The following SLC45A2 variants were observed in gnomAD, a reference collection of about 807,000 sequenced individuals.
SLC45A2 encodes solute carrier family 45 member 2.
In SLC45A2, 36 loss-of-function variants were observed where a neutral mutation model predicts 45.5. The ratio of observed to expected loss-of-function variants is 0.79; its 90% confidence interval spans 0.61 to 1.04. The LOEUF (loss-of-function observed/expected upper bound fraction) is 1.04. SLC45A2 is among the 50% of genes least tolerant of loss of function. The pLI is 0.00. For missense variants in SLC45A2, 719 were observed against 671.0 expected (o/e 1.07, Z -0.79); for synonymous variants, 306 against 269.3 (o/e 1.14, Z -1.33).
chr5:33,981,454 A>T (rs970927774), intron 2 of SLC45A2, among the ~76,000 whole-genome samples: 1 of 152,206 alleles, frequency 6.6e-6, no homozygotes, highest in African/African-American at 2.4e-5. Context: ...AGACAATCAA[A>T]TAAGGTGGGC....
intron 2 of SLC45A2, among the ~76,000 whole-genome samples, chr5:33,975,399 T>C (rs940514738): frequency 6.6e-6 from 1 of 152,202 alleles, no homozygotes; most frequent in African/African-American, 2.4e-5. Flanking sequence ...AGTTTACGAA[T>C]CTTGCAGGAG....
chr5:33,951,440 T>C (rs1752091734), intron 5 of SLC45A2, 114 bp downstream of exon 5: 1 of 1,600,588 alleles, frequency 6.2e-7, no homozygotes, highest in African/African-American at 1.3e-5. Flanking sequence ...CGTCCATAGA[T>C]TTATTAAGAA....
chr5:33,953,257 G>A lies in SLC45A2; in HGVS notation c.1032+1104C>T, dbSNP rs1042692669. Among the ~76,000 whole-genome samples the A allele has an allele frequency of 2.6e-4, 31 of 118,826 alleles. No homozygotes were observed. The East Asian group carries it at 4.7e-3, about 18-fold the overall frequency. The allele number at this position is 118,826 out of a possible 152,430, so 78.0% of individuals were successfully genotyped here. A position where few individuals can be genotyped will look rare whatever the true frequency, so the allele number is the denominator to read the frequency against. ...ATGGTATTTCTAGTTCTAGATCCCT[G>A]AGGAATCACCACACTGACTTCCACA... is the stretch of plus-strand genomic sequence containing the variant. On this transcript the variant is annotated intron_variant, in intron 4 of 6. Transcript: ENST00000296589.
chr5:33,951,696 G>A lies in SLC45A2; in HGVS notation c.1033-19C>T. 1 of 1,614,130 alleles carries A rather than the reference G, an allele frequency of 6.2e-7. No homozygotes were observed. Among genetic ancestry groups the A allele is most frequent in the Non-Finnish European group, 8.5e-7 (1 of 1,180,004 alleles). On this transcript the variant is annotated intron_variant, in intron 4 of 6. Coordinates refer to ENST00000296589, the MANE Select transcript of SLC45A2 (RefSeq NM_016180.5). ...ACACAATCTGAAAGAGAGATTGGAGGCTGTTGAGGTACAAATGCAATGTAG... is the reference window on the plus strand; with the variant it reads ...ACACAATCTGAAAGAGAGATTGGAGACTGTTGAGGTACAAATGCAATGTAG...
chr5:33,951,322 A>G (rs991645076), intron 5 of SLC45A2: 17 of 1,168,256 alleles, frequency 1.5e-5, no homozygotes, highest in Non-Finnish European at 1.7e-5. Context: ...TTGATCAGGA[A>G]CCCACTGATT....
rs749461166 is a variant in SLC45A2 at position 33,982,209 on chromosome 5, GGA to G, written c.562+25_562+26del. ...GTGCCTCATTGTCTGGGGAGCTGAA[GGA>G]GAGACTTTCTGGAATATTCCCTACC... On this transcript the variant is annotated intron_variant, in intron 2 of 6. Coordinates refer to ENST00000296589, the MANE Select transcript of SLC45A2 (RefSeq NM_016180.5). 1.9e-6 allele frequency: 3 copies of G among 1,613,432 alleles called. No individual in the cohort carries two copies. In the African/African-American group the frequency reaches 4.0e-5, roughly 22 times the overall value.
At chr5:33,955,642 T>TACACACACACACACAA (rs1561359853) in intron 3 of SLC45A2, among the ~76,000 whole-genome samples, 1 of 151,336 alleles carries the variant, frequency 6.6e-6, no homozygotes, top group Non-Finnish European at 1.5e-5. Flanking sequence ...TATATGTTTA[T>TACACACACACACACAA]ACACACACAC....
intron 2 of SLC45A2, chr5:33,970,970 A>G: frequency 2.1e-6 from 1 of 483,516 alleles, no homozygotes; most frequent in Non-Finnish European, 4.2e-6. Context: ...CAAAGAATTT[A>G]CCAAACCGTA....
At position 33,979,268 on chromosome 5, in the gene SLC45A2, T is replaced by C. The variant is rs896966914; in HGVS notation, c.562+2968A>G. ...AAATCAAAGTGGGGCTCCCAGGTCA[T>C]AGGAAGATTCAAAGATTTCCTGATT... is the stretch of plus-strand genomic sequence containing the variant. On this transcript the variant is annotated intron_variant, in intron 2 of 6. Coordinates refer to ENST00000296589, the MANE Select transcript of SLC45A2 (RefSeq NM_016180.5). Among the ~76,000 whole-genome samples the C allele has an allele frequency of 1.9e-4, 29 of 152,344 alleles. 1 individual carries two copies. The East Asian group carries it at 2.3e-3, about 12-fold the overall frequency.
chr5:33,947,473 A>G (rs1751972886), intron 5 of SLC45A2, 99 bp from the exon 6 acceptor site: 2 of 1,128,562 alleles, frequency 1.8e-6, no homozygotes, highest in Non-Finnish European at 2.6e-6. Context: ...CTTTTTAGAC[A>G]TCCTTTGATA....
At chr5:33,951,368 A>C in intron 5 of SLC45A2, 186 bp downstream of exon 5, 2 of 1,460,124 alleles carry the variant, frequency 1.4e-6, no homozygotes, top group Non-Finnish European at 1.8e-6. Context: ...AATGACACCT[A>C]GAATTCATGA....
chr5:33,963,960 G>T lies in SLC45A2; in HGVS notation c.619C>A (p.Leu207Met), dbSNP rs770639563. The change falls in exon 3 of 7, where the codon CTG becomes ATG. Residue 207 changes from leucine to methionine, a missense_variant. Coordinates refer to ENST00000296589, the MANE Select transcript of SLC45A2 (RefSeq NM_016180.5). ...AATTCTGTACCCAACAGTCTTCCCA[G>T]CTCCAGATGGGCCCAGTCTATAGCA... ...LGAIDWAHLE[L>M]GRLLGTEFQV... 1 of 1,614,072 alleles carries T rather than the reference G, an allele frequency of 6.2e-7. No homozygotes were observed. Among genetic ancestry groups the T allele is most frequent in the Non-Finnish European group, 8.5e-7 (1 of 1,179,984 alleles).
intron 2 of SLC45A2, chr5:33,971,091 C>T: frequency 1.9e-6 from 1 of 517,030 alleles, no homozygotes; most frequent in Non-Finnish European, 3.9e-6. Flanking sequence ...GCAGATGGAC[C>T]AAGATGTGTT....
intron 2 of SLC45A2, among the ~76,000 whole-genome samples, chr5:33,965,364 T>G (rs1752578541): frequency 6.6e-6 from 1 of 152,244 alleles, no homozygotes; most frequent in Non-Finnish European, 1.5e-5. Flanking sequence ...GTAGACAATT[T>G]TGGTCACTTC....
At chr5:33,945,934 A>C (rs2111896880) in intron 6 of SLC45A2, 1 of 981,110 alleles carries the variant, frequency 1.0e-6, no homozygotes, top group South Asian at 4.7e-5. Flanking sequence ...GAGTGGTAAC[A>C]CGTTGGGGCT....
At chr5:33,975,558 A>G (rs1007399082) in intron 2 of SLC45A2, among the ~76,000 whole-genome samples, 1 of 152,210 alleles carries the variant, frequency 6.6e-6, no homozygotes, top group African/African-American at 2.4e-5. Context: ...AAAAGCTCTA[A>G]TTCATTTTCT....
chr5:33,964,099 G>A, intron 2 of SLC45A2, 83 bp from the exon 3 acceptor site: 3 of 1,444,694 alleles, frequency 2.1e-6, no homozygotes, highest in Admixed American at 3.9e-5. Flanking sequence ...CCTTCAGTGG[G>A]AAAACTCCCT....
intron 1 of SLC45A2, among the ~76,000 whole-genome samples, chr5:33,982,882 C>A (rs1216544326): frequency 6.6e-6 from 1 of 152,218 alleles, no homozygotes; most frequent in Non-Finnish European, 1.5e-5. Context: ...TGCTTCCAAT[C>A]CCAGCCCCAG....
rs6451049 is a variant in SLC45A2, at chr5:33,964,247, T to C, written c.563-231A>G. Among the ~76,000 whole-genome samples the C allele has an allele frequency of 0.93, 142,111 of 152,176 alleles. 66,928 individuals are homozygous for C. Among genetic ancestry groups the C allele is most frequent in the Non-Finnish European group, 0.99 (67,451 of 68,042 alleles). On this transcript the variant is annotated intron_variant, in intron 2 of 6. Coordinates refer to ENST00000296589, the MANE Select transcript of SLC45A2 (RefSeq NM_016180.5). ...TGATCTTGGGCTTCCTCACCCAGAA[T>C]ATGGAGGTAATAGTAAAAGAGTAAC...
Sources: allele counts gnomAD v4.1 joint callset (sites outside exome capture counted in the v4.1 genomes callset), GRCh38; gene constraint gnomAD v4.1.1; transcripts MANE v1.5; gene names NCBI Gene and HGNC (gene_info 2026-07-23, HGNC 2026-07-21).